PCM1: variants seen among roughly 807,000 people sequenced by gnomAD.
PCM1 encodes pericentriolar material 1.
Under a neutral mutation model 241.9 loss-of-function variants are expected in PCM1, and 157 were observed. The observed-to-expected ratio is 0.65, with a 90% CI of 0.57 to 0.74. The LOEUF (loss-of-function observed/expected upper bound fraction) is 0.74, where lower values mean the gene tolerates loss of function less well. PCM1 is among the 30% of genes least tolerant of loss of function. The probability of loss-of-function intolerance (pLI) is 0.00; values close to 1 mark genes in which losing one functional copy is unlikely to be tolerated. For synonymous variants in PCM1, 1,085 were observed against 784.9 expected, an observed-to-expected ratio of 1.38 and a Z score of -6.39; for missense variants, 3,478 against 2,360.1, an observed-to-expected ratio of 1.47 and a Z score of -9.81.
At chr8:17,934,550 T>C (rs894511899) in intron 2 of PCM1, among the ~76,000 whole-genome samples, 8 of 152,320 alleles carry the variant, frequency 5.3e-5, no homozygotes, top group African/African-American at 1.9e-4. Context: ...CGTGAGCCAC[T>C]GCACCCAGCC....
At chr8:18,006,122 A>G (rs1446973796) in intron 29 of PCM1, 141 bp from the exon 30 acceptor site, 3 of 689,600 alleles carry the variant, frequency 4.4e-6, no homozygotes, top group Non-Finnish European at 6.9e-6. Context: ...TTATGAATGG[A>G]TATTTCTAAA....
intron 36 of PCM1, among the ~76,000 whole-genome samples, chr8:18,017,798 A>C (rs2093364343): frequency 6.6e-6 from 1 of 152,162 alleles, no homozygotes; most frequent in African/African-American, 2.4e-5. Context: ...GGTTGTCGTG[A>C]GCCAAAATGG....
At chr8:17,939,108 G>T in intron 5 of PCM1, 99 bp downstream of exon 5, 2 of 1,190,874 alleles carry the variant, frequency 1.7e-6, no homozygotes, top group East Asian at 2.4e-5. Context: ...AATTTTAGTT[G>T]GGTGGAATTA....
chr8:17,968,055 C>CA (rs35339046), intron 21 of PCM1, among the ~76,000 whole-genome samples: 26,691 of 111,770 alleles, frequency 0.24, 5,287 homozygotes, highest in African/African-American at 0.55. Context: ...GTTCCGCCGC[C>CA]AAAAAAAAAA....
At chr8:17,956,129 A>G (rs1309853967) in intron 10 of PCM1, among the ~76,000 whole-genome samples, 3 of 152,234 alleles carry the variant, frequency 2.0e-5, no homozygotes, top group Admixed American at 6.5e-5. Flanking sequence ...GTAAGAACTC[A>G]GCTAACTTAA....
intron 2 of PCM1, among the ~76,000 whole-genome samples, chr8:17,933,931 T>C (rs1489829506): frequency 6.6e-6 from 1 of 152,120 alleles, no homozygotes; most frequent in Non-Finnish European, 1.5e-5. Flanking sequence ...TTCAACTCTT[T>C]AGAGAATTAT....
chr8:17,965,710 G>A (rs2074590412), intron 18 of PCM1, among the ~76,000 whole-genome samples: 1 of 152,180 alleles, frequency 6.6e-6, no homozygotes, highest in Admixed American at 6.5e-5. Context: ...CGTGAAGAAT[G>A]GAAAACTACT....
Position 17,962,114 on chromosome 8 carries a change from C to T in PCM1, c.2403C>T (p.His801=), listed in dbSNP as rs200928331. The change falls in exon 16 of 39, where the codon CAC becomes CAT. Residue 801 remains histidine, a synonymous_variant. Coordinates refer to ENST00000325083, the MANE Select transcript of PCM1 (RefSeq NM_006197.4). ...CTTCAACCCCAACTGTTAATCAACACGAGACCAGTACAAGCAAATCTGTTT... is the reference window on the plus strand; with the variant it reads ...CTTCAACCCCAACTGTTAATCAACATGAGACCAGTACAAGCAAATCTGTTT... ...AVTSTPTVNQ[H]ETSTSKSVFE... is the part of the protein sequence containing the mutation. The T allele has an allele frequency of 6.3e-5, 101 of 1,610,636 alleles. No individual in the cohort carries two copies. Among genetic ancestry groups the T allele is most frequent in the East Asian group, 6.3e-4 (28 of 44,796 alleles).
chr8:17,935,704 A>G lies in PCM1; in HGVS notation c.94A>G (p.Met32Val), dbSNP rs551489897. ...NENVDDRLNN[M>V]DWGAQQKKAN... ...GAATGTTGATGACAGGCTCAACAAT[A>G]TGGTATGATTCCTTACTCTTCATGG... The change falls in exon 3 of 39, where the codon ATG (methionine) becomes GTG (valine). Residue 32 changes from methionine to valine, a missense_variant and splice_region_variant. Physicochemically the swap from Met to Val is conservative, Grantham distance 21 (BLOSUM62 1). Coordinates refer to ENST00000325083, the MANE Select transcript of PCM1 (RefSeq NM_006197.4). 3.8e-6 allele frequency: 5 copies of G among 1,322,376 alleles called. No homozygotes were observed. Among genetic ancestry groups the G allele is most frequent in the Admixed American group, 1.7e-5 (1 of 59,420 alleles). 81.9% of individuals were successfully genotyped at this position (1,322,376 alleles called of 1,614,324 possible). A position where few individuals can be genotyped will look rare whatever the true frequency, so the allele number is the denominator to read the frequency against.
At chr8:17,965,853 C>A in intron 18 of PCM1, 146 bp from the exon 19 acceptor site, 4 of 560,732 alleles carry the variant, frequency 7.1e-6, no homozygotes, top group Admixed American at 3.4e-5. Flanking sequence ...TGGACTTCTC[C>A]CCCCTCTATA....
intron 23 of PCM1, among the ~76,000 whole-genome samples, chr8:17,977,328 G>T (rs2079123201): frequency 1.3e-5 from 2 of 152,122 alleles, no homozygotes. Context: ...TGAGAGACCA[G>T]TGAAAAAACC....
At chr8:18,007,762 C>T (rs573841186) in intron 30 of PCM1, among the ~76,000 whole-genome samples, 162 of 152,158 alleles carry the variant, frequency 1.1e-3, no homozygotes, top group African/African-American at 3.8e-3. Flanking sequence ...TTCTGAAACC[C>T]GTTCAAGAAT....
chr8:17,933,667 A>C (rs978396197), intron 2 of PCM1, among the ~76,000 whole-genome samples: 2 of 152,182 alleles, frequency 1.3e-5, no homozygotes, highest in African/African-American at 4.8e-5. Flanking sequence ...ATTTGTCACT[A>C]TTATAAGTAG....
chr8:17,985,894 G>A, intron 25 of PCM1, 65 bp from the exon 26 acceptor site: 1 of 1,107,214 alleles, frequency 9.0e-7, no homozygotes, highest in Non-Finnish European at 1.3e-6. Context: ...TTTTGAATCT[G>A]TAATATAAAT....
intron 2 of PCM1, among the ~76,000 whole-genome samples, chr8:17,930,085 G>T (rs1173266157): frequency 1.4e-5 from 2 of 146,962 alleles, no homozygotes; most frequent in African/African-American, 5.0e-5. Context: ...TAGTCTTTTC[G>T]TTATTGGAAT....
Position 18,011,757 on chromosome 8 carries a change from G to T in PCM1, c.5441G>T (p.Gly1814Val), listed in dbSNP as rs1309060251. The T allele has an allele frequency of 1.2e-6, 2 of 1,613,490 alleles. No individual in the cohort carries two copies. Among genetic ancestry groups the T allele is most frequent in the African/African-American group, 2.7e-5 (2 of 74,878 alleles). Residue 1814 changes from glycine (G) to valine (V), a missense_variant, in exon 34 of 39, where the codon GGC (glycine) becomes GTC (valine). By Grantham distance (109) the Gly-to-Val change is moderately radical (BLOSUM62 -3). Transcript: ENST00000325083. Reference protein sequence around the residue: ...EDEEMEEFEEGPVDVQTSLQA... With the variant: ...EDEEMEEFEEVPVDVQTSLQA... Reference sequence around the variant, plus strand: ...GAAGAAATGGAAGAATTTGAAGAAGGCCCTGTGGATGTCCAGACTTCCCTC... The same window carrying T: ...GAAGAAATGGAAGAATTTGAAGAAGTCCCTGTGGATGTCCAGACTTCCCTC...
intron 26 of PCM1, among the ~76,000 whole-genome samples, chr8:17,987,735 C>G (rs138574061): frequency 6.6e-6 from 1 of 151,864 alleles, no homozygotes; most frequent in Non-Finnish European, 1.5e-5. Flanking sequence ...ACTCACAGAT[C>G]TGAAGCAGCA....
chr8:17,969,881 CTT>C, intron 22 of PCM1, 133 bp downstream of exon 22: 1 of 670,132 alleles, frequency 1.5e-6, no homozygotes, highest in East Asian at 2.7e-5. Context: ...AAATATGAAA[CTT>C]TGACGTATCA....
Position 18,025,347 on chromosome 8 carries a change from T to TCATTA in PCM1, c.5842-6_5842-2dup, listed in dbSNP as rs780389570. 7.0e-7 allele frequency: 1 copy of TCATTA among 1,422,732 alleles called. No individual in the cohort carries two copies. Among genetic ancestry groups the TCATTA allele is most frequent in the Admixed American group, 1.9e-5 (1 of 53,486 alleles). The allele number at this position is 1,422,732 out of a possible 1,614,324, so 88.1% of individuals were successfully genotyped here. A position where few individuals can be genotyped will look rare whatever the true frequency, so the allele number is the denominator to read the frequency against. ...GATCTAGAGTATGTATTTTTTTTTT[T>TCATTA]CATTACATTACAGGAAGCAGAATCT... On this transcript the variant is annotated splice_polypyrimidine_tract_variant and intron_variant, in intron 36 of 38. Coordinates refer to ENST00000325083, the MANE Select transcript of PCM1 (RefSeq NM_006197.4).
Sources: allele counts gnomAD v4.1 joint callset (sites outside exome capture counted in the v4.1 genomes callset), GRCh38; gene constraint gnomAD v4.1.1; transcripts MANE v1.5; gene names NCBI Gene and HGNC (gene_info 2026-07-23, HGNC 2026-07-21).